Variants in PEG3 observed in about 807,000 individuals in gnomAD.
PEG3 encodes the protein paternally expressed 3.
PEG3 carries 23 observed loss-of-function variants against 35.5 expected under a neutral mutation model. The ratio of observed to expected loss-of-function variants is 0.65; its 90% confidence interval spans 0.47 to 0.92. The LOEUF (loss-of-function observed/expected upper bound fraction) is 0.92. PEG3 is among the 40% of genes least tolerant of loss of function. The pLI, the probability that PEG3 is intolerant of heterozygous loss-of-function variation, is 0.00. For missense variants in PEG3, 1,960 were observed against 1,985.3 expected (o/e 0.99, Z 0.24); for synonymous variants, 707 against 697.0 (o/e 1.01, Z -0.23).
At chr19:56,822,719 T>A in intron 6 of PEG3, 34 bp downstream of exon 6, 1 of 1,611,324 alleles carries the variant, frequency 6.2e-7, no homozygotes, top group Non-Finnish European at 8.5e-7. Flanking sequence ...ATGCTCTATA[T>A]CTCCTACTGG....
chr19:56,837,262 C>G (rs898023564), intron 1 of PEG3, among the ~76,000 whole-genome samples: 2 of 151,476 alleles, frequency 1.3e-5, no homozygotes, highest in Non-Finnish European at 1.5e-5. Flanking sequence ...TTTAAACACA[C>G]CCCCACCTGC....
chr19:56,822,602 A>G, intron 6 of PEG3, 151 bp downstream of exon 6: 1 of 1,080,400 alleles, frequency 9.3e-7, no homozygotes, highest in Non-Finnish European at 1.3e-6. Flanking sequence ...TGGAACTTCA[A>G]AAATACGAGC....
At chr19:56,822,620 TA>T in intron 6 of PEG3, 132 bp downstream of exon 6, 1 of 1,289,254 alleles carries the variant, frequency 7.8e-7, no homozygotes, top group Non-Finnish European at 1.1e-6. Context: ...AGCCTTGGAC[TA>T]AACTTTTGGG....
chr19:56,834,238 T>TC (rs1294446408), intron 2 of PEG3, among the ~76,000 whole-genome samples: 1 of 152,100 alleles, frequency 6.6e-6, no homozygotes, highest in Admixed American at 6.5e-5. Context: ...AGTGAACAAC[T>TC]CTCATCAGAC....
chr19:56,815,976 C>G lies in PEG3; in HGVS notation c.2466G>C (p.Gly822=). The G allele has an allele frequency of 6.3e-7, 1 of 1,583,322 alleles. No individual in the cohort carries two copies. Among genetic ancestry groups the G allele is most frequent in the Non-Finnish European group, 8.6e-7 (1 of 1,165,888 alleles). ...AINHQRVRAG[G]NTSEGREYSR... ...TGTATTCCCTTCCTTCAGAGGTGTT[C>G]CCTCCAGCACGAACTCTCTGATGGT... The change falls in exon 10 of 10, where the codon GGG becomes GGC. Residue 822 remains glycine (G), a synonymous_variant. Transcript: ENST00000326441.
chr19:56,838,662 A>T (rs1428264885), intron 1 of PEG3, among the ~76,000 whole-genome samples: 2 of 152,178 alleles, frequency 1.3e-5, no homozygotes, highest in African/African-American at 4.8e-5. Flanking sequence ...CCCTGTCCTT[A>T]AGCATAAATG....
chr19:56,837,066 G>C (rs2146668990), intron 1 of PEG3, among the ~76,000 whole-genome samples: 1 of 151,458 alleles, frequency 6.6e-6, no homozygotes, highest in South Asian at 2.1e-4. Context: ...CAAAACAAAA[G>C]GGCTGACTTA....
In PEG3 at chr19:56,814,911, G is replaced by T. The variant is rs1215526383; in HGVS notation, c.3531C>A (p.Phe1177Leu). The change falls in exon 10 of 10, where the codon TTC becomes TTA. Residue 1177 changes from phenylalanine (F) to leucine (L), a missense_variant. Physicochemically the swap from Phe to Leu is conservative, Grantham distance 22. Coordinates refer to ENST00000326441, the MANE Select transcript of PEG3 (RefSeq NM_006210.3). The surrounding 1 kb of genome is among the most constrained non-coding windows in gnomAD (Gnocchi z 5.8). ...CATGGATTCTCTGATGCTCGAAAAG[G>T]AATGAGCTATGAATAAAAGATTCCC... Reference protein sequence around the residue: ...KCGESFIHSSFLFEHQRIHEQ... With the variant: ...KCGESFIHSSLLFEHQRIHEQ... 5 of 1,614,030 alleles carry T rather than the reference G, an allele frequency of 3.1e-6. No individual in the cohort carries two copies. Among genetic ancestry groups the T allele is most frequent in the Non-Finnish European group, 3.4e-6 (4 of 1,180,028 alleles).
At position 56,831,653 on chromosome 19, in the gene PEG3, G is replaced by A. The variant is rs572391682; in HGVS notation, c.-163+4365C>T. Among the ~76,000 whole-genome samples, 3 of 152,292 alleles carry A rather than the reference G, an allele frequency of 2.0e-5. No individual in the cohort carries two copies. The East Asian group carries it at 5.8e-4, about 29-fold the overall frequency. On this transcript the variant is annotated intron_variant, in intron 2 of 9. Transcript: ENST00000326441. The stretch of plus-strand genomic sequence containing the variant: ...TCATTAAACAAGGAATGAAAACAAA[G>A]TATTTAGCAAAATGTTACATAACCA...
chr19:56,834,046 T>G (rs935231333), intron 2 of PEG3, among the ~76,000 whole-genome samples: 8 of 152,228 alleles, frequency 5.3e-5, no homozygotes, highest in African/African-American at 1.9e-4. Flanking sequence ...TTCAGTCTTA[T>G]GACCAGCACA....
intron 2 of PEG3, among the ~76,000 whole-genome samples, chr19:56,830,328 T>C (rs2061459150): frequency 6.6e-6 from 1 of 152,186 alleles, no homozygotes; most frequent in Non-Finnish European, 1.5e-5. Flanking sequence ...CAGGGTAAAC[T>C]GTTACATAAA....
intron 1 of PEG3, among the ~76,000 whole-genome samples, chr19:56,837,127 T>C (rs1368846954): frequency 1.3e-5 from 2 of 152,074 alleles, no homozygotes; most frequent in African/African-American, 4.8e-5. Flanking sequence ...TAGGACTCCG[T>C]AGGAGAGCTA....
rs377284647 is a variant in PEG3, at chr19:56,815,564, G to C, written c.2878C>G (p.Gln960Glu). 1.1e-5 allele frequency: 17 copies of C among 1,613,928 alleles called. No individual in the cohort carries two copies. The highest frequency in any genetic ancestry group is 1.7e-5 in the Admixed American group (1 of 60,004). The change falls in exon 10 of 10, where the codon CAA becomes GAA. Residue 960 changes from glutamine to glutamate, a missense_variant. Gln to Glu is a conservative substitution (Grantham distance 29). This residue lies in a region of PEG3 where 798 missense variants were observed against 782.4 expected (regional missense o/e 1.02). Coordinates refer to ENST00000326441, the MANE Select transcript of PEG3 (RefSeq NM_006210.3). ...AGCATCCCTCGAGGGCGAAATGTTT[G>C]TTCACCAAAAGGCAGAGAGTGAATT... ...SVIHSLPFGE[Q>E]TFRPRGMLYE...
At chr19:56,835,676 G>A (rs1267761827) in intron 2 of PEG3, among the ~76,000 whole-genome samples, 6 of 152,232 alleles carry the variant, frequency 3.9e-5, no homozygotes, top group Non-Finnish European at 8.8e-5. Context: ...TTGGGGCTAT[G>A]TCCCAGTACC....
intron 7 of PEG3, 114 bp from the exon 8 acceptor site, chr19:56,818,816 C>A: frequency 8.2e-7 from 1 of 1,221,804 alleles, no homozygotes. Context: ...GAAGTGCTCA[C>A]GGTATTGGGG....
rs111379886 is a variant in PEG3, at chr19:56,816,266, C to T, written c.2176G>A (p.Gly726Arg). 5.0e-4 allele frequency: 805 copies of T among 1,613,888 alleles called. 3 individuals carry two copies. The African/African-American group carries it at 8.8e-3, about 18-fold the overall frequency. ...RGYEKSVIHS[G>R]PFTESQKSHT... ...CTCTTCTGAGATTCAGTGAATGGCC[C>T]ACTATGAATGACAGATTTCTCATAC... Residue 726 changes from glycine to arginine, a missense_variant, in exon 10 of 10, where the codon GGG becomes AGG. Physicochemically the swap from Gly to Arg is moderately radical, Grantham distance 125. Around this residue, in one of 5 missense-constraint regions of PEG3, gnomAD observed 798 missense variants for 782.4 expected, o/e 1.02. Coordinates refer to ENST00000326441, the MANE Select transcript of PEG3 (RefSeq NM_006210.3).
chr19:56,810,355 C>T lies in PEG3; in HGVS notation c.*3320G>A, dbSNP rs1231820452. ...TAGAATGATGACCTTTCAAGGAAAC[C>T]GAAACAAAATAACCATAATCCCACA... is the stretch of plus-strand genomic sequence containing the variant. On this transcript the variant is annotated 3_prime_UTR_variant, in exon 10 of 10. Transcript: ENST00000326441. The T allele has an allele frequency of 1.0e-5, 10 of 985,094 alleles. 1 individual carries two copies. The highest frequency in any genetic ancestry group is 1.1e-4 in the East Asian group (1 of 8,824). The allele number at this position is 985,094 out of a possible 1,614,324, so 61.0% of individuals were successfully genotyped here.
intron 1 of PEG3, among the ~76,000 whole-genome samples, chr19:56,838,888 C>G (rs1350846043): frequency 6.6e-6 from 1 of 152,178 alleles, no homozygotes; most frequent in African/African-American, 2.4e-5. Flanking sequence ...TGCGGCAAAC[C>G]GCAGCCGCCC....
rs753346169 is a variant in PEG3 at position 56,824,543 on chromosome 19, C to T, written c.113G>A (p.Gly38Asp). ...TKEPDVIIGE[G>D]PTDSEFFHQR... Reference sequence around the variant, plus strand: ...ATGAAAAAACTCAGAGTCAGTTGGACCTTCTCCTATGATGACATCCGGCTC... The same window carrying T: ...ATGAAAAAACTCAGAGTCAGTTGGATCTTCTCCTATGATGACATCCGGCTC... The change falls in exon 4 of 10, where the codon GGT (glycine) becomes GAT (aspartate). Residue 38 changes from glycine to aspartate, a missense_variant. Around this residue, in one of 5 missense-constraint regions of PEG3, gnomAD observed 613 missense variants for 577.1 expected, o/e 1.06. Coordinates refer to ENST00000326441, the MANE Select transcript of PEG3 (RefSeq NM_006210.3). 3 of 1,614,014 alleles carry T rather than the reference C, an allele frequency of 1.9e-6. No individual in the cohort carries two copies. Among genetic ancestry groups the T allele is most frequent in the Non-Finnish European group, 2.5e-6 (3 of 1,180,042 alleles).
Sources: gnomAD v4.1 joint callset for allele counts (sites outside exome capture counted in the v4.1 genomes callset) on GRCh38, gnomAD v4.1.1 for gene constraint, gnomAD v4.1.1 regional missense constraint, Gnocchi (gnomAD v3.1) non-coding constraint, MANE v1.5 for transcripts, NCBI Gene and HGNC (gene_info 2026-07-23, HGNC 2026-07-21) for gene names.